The following WWOX variants were observed in gnomAD, a reference collection of about 807,000 sequenced individuals.
WWOX encodes WW domain containing oxidoreductase.
Under a neutral mutation model 46.2 loss-of-function variants are expected in WWOX, and 69 were observed. The observed-to-expected ratio is 1.49, with a 90% confidence interval of 1.23 to 1.82. The LOEUF (loss-of-function observed/expected upper bound fraction) is 1.82, where lower values mean the gene tolerates loss of function less well. Ranked by LOEUF, WWOX falls within the 40% of genes most tolerant of loss-of-function variation. The pLI is 0.00. For missense variants in WWOX, 919 were observed against 542.6 expected, an observed-to-expected ratio of 1.69 and a Z score of -6.89; for synonymous variants, 359 against 202.6, an observed-to-expected ratio of 1.77 and a Z score of -6.56.
chr16:79,061,806 C>T lies in WWOX; in HGVS notation c.1057-149802C>T, dbSNP rs570188269. On this transcript the variant is annotated intron_variant, in intron 8 of 8. Coordinates refer to ENST00000566780, the MANE Select transcript of WWOX (RefSeq NM_016373.4). ...ATAGCTAATATGCCTCTATGTCAGG[C>T]TCTGTACTGGGTTCTTTGAGTATAC... is the stretch of plus-strand genomic sequence containing the variant. Among the ~76,000 whole-genome samples the T allele has an allele frequency of 6.6e-5, 10 of 152,260 alleles. No homozygotes were observed. The South Asian group carries it at 1.7e-3, about 25-fold the overall frequency.
At chr16:78,606,812 A>G (rs2045771296) in intron 8 of WWOX, among the ~76,000 whole-genome samples, 1 of 147,284 alleles carries the variant, frequency 6.8e-6, no homozygotes. Context: ...TCAATAGCCC[A>G]CTTGTTGAGG....
At chr16:78,452,696 G>A (rs1044805548) in intron 8 of WWOX, among the ~76,000 whole-genome samples, 16 of 150,610 alleles carry the variant, frequency 1.1e-4, no homozygotes, top group East Asian at 6.0e-4. Flanking sequence ...GGCTGGTATC[G>A]AATTCCTGAC....
chr16:78,628,621 A>ATT (rs139555547), intron 8 of WWOX, among the ~76,000 whole-genome samples: 5 of 150,530 alleles, frequency 3.3e-5, no homozygotes, highest in South Asian at 2.1e-4. Context: ...TATTCCAGCA[A>ATT]TTTTTTTTTT....
intron 5 of WWOX, among the ~76,000 whole-genome samples, chr16:78,302,566 T>A (rs1244633446): frequency 1.3e-5 from 2 of 152,258 alleles, no homozygotes; most frequent in East Asian, 3.9e-4. Context: ...GAAATGCCAA[T>A]TCAGAGGTTT....
intron 5 of WWOX, among the ~76,000 whole-genome samples, chr16:78,354,752 T>C (rs1228066663): frequency 1.3e-5 from 2 of 152,208 alleles, no homozygotes; most frequent in African/African-American, 4.8e-5. Flanking sequence ...AAATTTTGTT[T>C]TCTATTTTTC....
chr16:79,175,423 T>TCGGC (rs1203907014), intron 8 of WWOX, among the ~76,000 whole-genome samples: 5 of 152,214 alleles, frequency 3.3e-5, no homozygotes, highest in African/African-American at 1.2e-4. Context: ...GGCCACCAGG[T>TCGGC]CGGCCACAAA....
chr16:78,190,582 T>C (rs985455024), intron 5 of WWOX, among the ~76,000 whole-genome samples: 2 of 152,104 alleles, frequency 1.3e-5, no homozygotes, highest in African/African-American at 4.8e-5. Flanking sequence ...TGCACACATA[T>C]TCGTAGGGTG....
At chr16:78,568,392 T>G (rs971682963) in intron 8 of WWOX, among the ~76,000 whole-genome samples, 1 of 151,934 alleles carries the variant, frequency 6.6e-6, no homozygotes, top group African/African-American at 2.4e-5. Context: ...AGAATCACTT[T>G]GAGTTATTAC....
chr16:78,566,704 T>C (rs773994521), intron 8 of WWOX, among the ~76,000 whole-genome samples: 1 of 152,142 alleles, frequency 6.6e-6, no homozygotes, highest in Non-Finnish European at 1.5e-5. Context: ...GATTGGAAAT[T>C]TTAGTGACAC....
At chr16:79,067,457 C>T (rs1014309603) in intron 8 of WWOX, among the ~76,000 whole-genome samples, 7 of 152,140 alleles carry the variant, frequency 4.6e-5, no homozygotes, top group Non-Finnish European at 7.3e-5. Flanking sequence ...CTTCCCTCCA[C>T]CTGAGATGCT....
chr16:78,383,460 C>A (rs143821799), intron 5 of WWOX, among the ~76,000 whole-genome samples: 2 of 152,284 alleles, frequency 1.3e-5, no homozygotes, highest in African/African-American at 4.8e-5. Context: ...TGCAGATTCA[C>A]TGCCAGACCT....
chr16:78,297,440 T>C (rs978655939), intron 5 of WWOX, among the ~76,000 whole-genome samples: 20 of 152,170 alleles, frequency 1.3e-4, no homozygotes, highest in Non-Finnish European at 2.2e-4. Flanking sequence ...AAGTCTGCCA[T>C]TTGTAGAACC....
chr16:78,757,482 C>G (rs1304134857), intron 8 of WWOX, among the ~76,000 whole-genome samples: 12 of 152,042 alleles, frequency 7.9e-5, no homozygotes, highest in Non-Finnish European at 1.3e-4. Context: ...CCATCTAGGA[C>G]CCTGGCTGCA....
chr16:78,330,585 C>G (rs181368857), intron 5 of WWOX, among the ~76,000 whole-genome samples: 1 of 152,118 alleles, frequency 6.6e-6, no homozygotes, highest in Admixed American at 6.6e-5. Context: ...TTAGTGGAGA[C>G]GAGGTTTCAC....
chr16:79,076,547 A>T (rs1011009616), intron 8 of WWOX, among the ~76,000 whole-genome samples: 2 of 151,962 alleles, frequency 1.3e-5, no homozygotes, highest in African/African-American at 4.8e-5. Flanking sequence ...ATCTAAGCTA[A>T]CTCTCCGATG....
chr16:78,848,812 C>G (rs955428284), intron 8 of WWOX, among the ~76,000 whole-genome samples: 2 of 151,120 alleles, frequency 1.3e-5, no homozygotes, highest in African/African-American at 2.4e-5. Context: ...TTTTTTTTAA[C>G]CTCCTCTGAG....
chr16:78,323,597 G>A (rs376706189), intron 5 of WWOX, among the ~76,000 whole-genome samples: 1 of 152,140 alleles, frequency 6.6e-6, no homozygotes, highest in Non-Finnish European at 1.5e-5. Context: ...TGTCCTCTAA[G>A]TGAATCATGC....
intron 8 of WWOX, among the ~76,000 whole-genome samples, chr16:78,877,972 T>C (rs1196210837): frequency 6.6e-6 from 1 of 152,226 alleles, no homozygotes; most frequent in Admixed American, 6.5e-5. Flanking sequence ...CTCTTGTGCC[T>C]TTTACAGGTC....
intron 8 of WWOX, among the ~76,000 whole-genome samples, chr16:78,976,394 A>G (rs532053202): frequency 1.3e-5 from 2 of 152,340 alleles, no homozygotes; most frequent in South Asian, 4.1e-4. Flanking sequence ...CTGTGTGGTC[A>G]GAGTCTCAGA....
Sources: allele counts gnomAD v4.1 joint callset (sites outside exome capture counted in the v4.1 genomes callset), GRCh38; gene constraint gnomAD v4.1.1; transcripts MANE v1.5; gene names NCBI Gene and HGNC (gene_info 2026-07-23, HGNC 2026-07-21).